The following DNA2 variants were observed in gnomAD, a reference collection of about 807,000 sequenced individuals.
DNA2 encodes the protein DNA replication ATP-dependent helicase/nuclease DNA2.
DNA2 carries 101 observed loss-of-function variants against 119.1 expected under a neutral mutation model. The ratio of observed to expected loss-of-function variants is 0.85; its 90% CI spans 0.72 to 1.00. The LOEUF (loss-of-function observed/expected upper bound fraction) is 1.00, where lower values mean the gene tolerates loss of function less well. Among genes scored for constraint, DNA2 ranks in the 50% least tolerant of loss-of-function variants. DNA2 has a pLI of 0.00. For synonymous variants in DNA2, 366 were observed against 424.4 expected (o/e 0.86, Z 1.69); for missense variants, 1,121 against 1,255.5 (o/e 0.89, Z 1.62).
At chr10:68,424,657 C>G in intron 14 of DNA2, 1 of 1,606,576 alleles carries the variant, frequency 6.2e-7, no homozygotes, top group Non-Finnish European at 8.5e-7. Context: ...ATGTCATCCC[C>G]GCTCTCCAAG....
intron 5 of DNA2, among the ~76,000 whole-genome samples, chr10:68,450,925 C>T (rs1590067517): frequency 6.6e-6 from 1 of 151,924 alleles, no homozygotes. Context: ...ATGGCGAAAC[C>T]CTGTCTCAAT....
At chr10:68,415,488 C>A (rs567428986) in intron 20 of DNA2, among the ~76,000 whole-genome samples, 3 of 152,016 alleles carry the variant, frequency 2.0e-5, no homozygotes, top group Admixed American at 2.0e-4. Flanking sequence ...GCTGGTCAGG[C>A]TGGTCTCGAA....
At chr10:68,455,440 A>G (rs1358310234) in intron 5 of DNA2, among the ~76,000 whole-genome samples, 1 of 152,214 alleles carries the variant, frequency 6.6e-6, no homozygotes, top group Non-Finnish European at 1.5e-5. Flanking sequence ...AACACAAGAA[A>G]AACTAAACAA....
intron 3 of DNA2, among the ~76,000 whole-genome samples, chr10:68,466,754 T>G (rs2052331989): frequency 6.6e-6 from 1 of 152,070 alleles, no homozygotes; most frequent in African/African-American, 2.4e-5. Context: ...AATTTTTTTG[T>G]ATTTTTAATA....
chr10:68,414,878 A>G lies in DNA2; in HGVS notation c.*161T>C, dbSNP rs1564873327. 2.3e-6 allele frequency: 1 copy of G among 439,290 alleles called. No individual in the cohort carries two copies. Among genetic ancestry groups the G allele is most frequent in the Non-Finnish European group, 4.1e-6 (1 of 241,964 alleles). The allele number at this position is 439,290 out of a possible 1,614,324, so 27.2% of individuals were successfully genotyped here. ...CTTTCTCTAGGTTAGGCAAAAATGCATGCATAGAACCCATAAATTCAGACT... is the reference window on the plus strand; with the variant it reads ...CTTTCTCTAGGTTAGGCAAAAATGCGTGCATAGAACCCATAAATTCAGACT... On this transcript the variant is annotated 3_prime_UTR_variant, in exon 21 of 21. Transcript: ENST00000358410.
Position 68,416,727 on chromosome 10 carries a change from A to G in DNA2, c.3096T>C (p.His1032=). 1.2e-6 allele frequency: 2 copies of G among 1,613,700 alleles called. No individual in the cohort carries two copies. The highest frequency in any genetic ancestry group is 1.7e-6 in the Non-Finnish European group (2 of 1,179,634). The part of the protein sequence containing the change: ...CYPPLEKLLN[H]LNSEKLIIDL... Reference sequence around the variant, plus strand: ...AGGATATTAATTTTTCTGAGTTTAAATGATTAAGCAGCTTCTCCAAAGGAG... The same window carrying G: ...AGGATATTAATTTTTCTGAGTTTAAGTGATTAAGCAGCTTCTCCAAAGGAG... Residue 1032 remains histidine, a synonymous_variant, in exon 20 of 21, where the codon CAT becomes CAC. Coordinates refer to ENST00000358410, the MANE Select transcript of DNA2 (RefSeq NM_001080449.3).
intron 9 of DNA2, 108 bp downstream of exon 9, chr10:68,442,809 C>G: frequency 1.1e-6 from 1 of 916,660 alleles, no homozygotes; most frequent in South Asian, 1.8e-5. Context: ...AATGAAATCA[C>G]GTTATCTATA....
chr10:68,421,601 A>C (rs1161723066), intron 17 of DNA2, among the ~76,000 whole-genome samples: 2 of 151,788 alleles, frequency 1.3e-5, no homozygotes, highest in Admixed American at 6.6e-5. Context: ...TAAAAATACA[A>C]AATTAGTCTG....
At chr10:68,454,504 C>T (rs924706572) in intron 5 of DNA2, among the ~76,000 whole-genome samples, 2 of 151,830 alleles carry the variant, frequency 1.3e-5, no homozygotes, top group South Asian at 2.1e-4. Context: ...AGATATCTAC[C>T]GTAATTTAAA....
At chr10:68,444,109 T>C (rs1307738368) in intron 8 of DNA2, among the ~76,000 whole-genome samples, 1 of 151,410 alleles carries the variant, frequency 6.6e-6, no homozygotes, top group African/African-American at 2.4e-5. Context: ...ACACAAAAAA[T>C]TGCTGGGCGC....
chr10:68,415,223 C>T, intron 20 of DNA2, 116 bp from the exon 21 acceptor site: 7 of 589,852 alleles, frequency 1.2e-5, no homozygotes, highest in South Asian at 5.3e-5. Flanking sequence ...AAATAAGGAT[C>T]TTTATGGCAT....
At chr10:68,436,922 A>C in intron 10 of DNA2, 89 bp downstream of exon 10, 1 of 1,048,570 alleles carries the variant, frequency 9.5e-7, no homozygotes, top group Non-Finnish European at 1.4e-6. Context: ...ACTAAAAACC[A>C]GCGAATTGTA....
intron 1 of DNA2, chr10:68,470,674 A>G: frequency 2.4e-6 from 1 of 416,486 alleles, no homozygotes; most frequent in Non-Finnish European, 4.7e-6. Flanking sequence ...AATTTCTACC[A>G]CTGGTGCAAG....
At chr10:68,462,059 G>A (rs566609194) in intron 4 of DNA2, among the ~76,000 whole-genome samples, 1 of 152,284 alleles carries the variant, frequency 6.6e-6, no homozygotes, top group South Asian at 2.1e-4. Flanking sequence ...AACAAGCATA[G>A]ATTGATATTT....
chr10:68,451,124 C>T (rs2052112440), intron 5 of DNA2, among the ~76,000 whole-genome samples: 1 of 147,986 alleles, frequency 6.8e-6, no homozygotes, highest in African/African-American at 2.5e-5. Flanking sequence ...AAAAGAAGAG[C>T]TATCTCCATC....
intron 8 of DNA2, among the ~76,000 whole-genome samples, chr10:68,444,019 G>GGC (rs1391908258): frequency 6.6e-6 from 1 of 152,118 alleles, no homozygotes; most frequent in Non-Finnish European, 1.5e-5. Flanking sequence ...CACTTTGGGA[G>GGC]GCCAAGACAG....
chr10:68,448,932 GGTGTGTGTGTGTGT>G (rs776191186), intron 6 of DNA2, among the ~76,000 whole-genome samples: 7 of 142,298 alleles, frequency 4.9e-5, no homozygotes, highest in South Asian at 4.5e-4. Context: ...CACCACACCA[GGTGTGTGTGTGTGT>G]GTGTGTGTGT....
intron 4 of DNA2, chr10:68,461,437 G>A (rs4388762): frequency 0.092 from 14,027 of 152,056 alleles, 948 homozygotes; most frequent in South Asian, 0.25. Flanking sequence ...GAACGCAGCC[G>A]ATCTCATCTT....
rs186972460 is a variant in DNA2, at chr10:68,465,857, A to G, written c.442-45T>C. 140 of 1,414,128 alleles carry G rather than the reference A, an allele frequency of 9.9e-5. No individual in the cohort carries two copies. In the African/African-American group the frequency reaches 1.9e-3, roughly 19 times the overall value. 87.6% of individuals were successfully genotyped at this position (1,414,128 alleles called of 1,614,324 possible). On this transcript the variant is annotated intron_variant, in intron 3 of 20. Transcript: ENST00000358410. Reference sequence around the variant, plus strand: ...AGTTTATTTCACAACATATTAACAGACACAATTGTATATTTATTACCTAAT... The same window carrying G: ...AGTTTATTTCACAACATATTAACAGGCACAATTGTATATTTATTACCTAAT...
Sources: gnomAD v4.1 joint callset for allele counts (sites outside exome capture counted in the v4.1 genomes callset) on GRCh38, gnomAD v4.1.1 for gene constraint, MANE v1.5 for transcripts, NCBI Gene and HGNC (gene_info 2026-07-23, HGNC 2026-07-21) for gene names.